Variants in DCT observed in about 807,000 individuals in gnomAD.
DCT encodes dopachrome tautomerase.
In DCT, 47 loss-of-function variants were observed where a neutral mutation model predicts 53.0. The observed-to-expected ratio is 0.89, with a 90% confidence interval of 0.70 to 1.13. The LOEUF (loss-of-function observed/expected upper bound fraction) is 1.13, where lower values mean the gene tolerates loss of function less well. Among genes scored for constraint, DCT ranks in the 50% most tolerant of loss-of-function variants. DCT has a pLI of 0.00. For synonymous variants in DCT, 244 were observed against 237.0 expected, an observed-to-expected ratio of 1.03 and a Z score of -0.27; for missense variants, 669 against 637.4, an observed-to-expected ratio of 1.05 and a Z score of -0.53.
the DCT span, among the ~76,000 whole-genome samples, chr13:94,491,782 G>A: frequency 6.6e-6 from 1 of 152,098 alleles, no homozygotes; most frequent in Non-Finnish European, 1.5e-5. Flanking sequence ...TGGGTGTAGG[G>A]GAGTCTACTT....
At chr13:94,509,881 C>G in the DCT span, among the ~76,000 whole-genome samples, 1 of 152,048 alleles carries the variant, frequency 6.6e-6, no homozygotes, top group East Asian at 1.9e-4. Flanking sequence ...ATCATGTGCC[C>G]AGCACTCAAT....
At chr13:94,466,442 C>T in intron 3 of DCT, 116 bp downstream of exon 3, 1 of 596,206 alleles carries the variant, frequency 1.7e-6, no homozygotes, top group Non-Finnish European at 2.9e-6. Flanking sequence ...GTGCACTAAT[C>T]ACTTATCTTG....
At chr13:94,491,022 A>G in the DCT span, among the ~76,000 whole-genome samples, 1 of 152,212 alleles carries the variant, frequency 6.6e-6, no homozygotes, top group Admixed American at 6.5e-5. Context: ...GGGGTGAGCA[A>G]CCTTCTTGTG....
the DCT span, among the ~76,000 whole-genome samples, chr13:94,502,834 T>C: frequency 6.6e-6 from 1 of 152,204 alleles, no homozygotes; most frequent in Non-Finnish European, 1.5e-5. Flanking sequence ...CATCTGCTCA[T>C]GCAGACAAAT....
the DCT span, among the ~76,000 whole-genome samples, chr13:94,530,785 G>T: frequency 3.3e-5 from 5 of 152,124 alleles, no homozygotes; most frequent in Non-Finnish European, 7.3e-5. Context: ...GGAAGTTCTG[G>T]CCAGGGCAAT....
intron 6 of DCT, among the ~76,000 whole-genome samples, chr13:94,450,635 AG>A (rs1883019224): frequency 6.6e-6 from 1 of 152,358 alleles, no homozygotes; most frequent in South Asian, 2.1e-4. Context: ...GAGGAAAAAA[AG>A]CTTCTTCTTC....
chr13:94,490,377 T>C, the DCT span, among the ~76,000 whole-genome samples: 2 of 151,722 alleles, frequency 1.3e-5, no homozygotes, highest in Non-Finnish European at 2.9e-5. Flanking sequence ...TGGTGGTGCA[T>C]GCCCATAGTC....
chr13:94,482,450 AT>A (rs1885484740), upstream of DCT, among the ~76,000 whole-genome samples: 1 of 152,144 alleles, frequency 6.6e-6, no homozygotes, highest in South Asian at 2.1e-4. Context: ...GAGGCCTTCC[AT>A]GATATTTTAA....
chr13:94,490,427 T>G, the DCT span, among the ~76,000 whole-genome samples: 4 of 142,232 alleles, frequency 2.8e-5, no homozygotes, highest in African/African-American at 8.0e-5. Context: ...ACTGCTTAAA[T>G]CTGGCAGGTA....
At chr13:94,529,682 A>G in the DCT span, among the ~76,000 whole-genome samples, 16 of 152,370 alleles carry the variant, frequency 1.1e-4, no homozygotes, top group African/African-American at 3.4e-4. Context: ...CCCACAAGAG[A>G]AAGCAGGAAA....
At chr13:94,506,704 T>A in the DCT span, among the ~76,000 whole-genome samples, 1 of 152,160 alleles carries the variant, frequency 6.6e-6, no homozygotes. Flanking sequence ...TCAAAATATC[T>A]TCTTATAAGA....
intron 7 of DCT, 121 bp from the exon 8 acceptor site, chr13:94,440,197 T>C: frequency 2.9e-6 from 2 of 679,536 alleles, no homozygotes; most frequent in Admixed American, 3.0e-5. Context: ...AAACTACTCA[T>C]GCTAGACTAA....
chr13:94,464,897 T>C (rs1484153131), intron 4 of DCT, among the ~76,000 whole-genome samples: 2 of 152,094 alleles, frequency 1.3e-5, no homozygotes, highest in African/African-American at 4.8e-5. Context: ...CCTGTCCTCC[T>C]CAACTCACCA....
At chr13:94,472,505 AATATATACATACATAC>A (rs1566853851) in intron 1 of DCT, among the ~76,000 whole-genome samples, 1 of 93,562 alleles carries the variant, frequency 1.1e-5, no homozygotes, top group Non-Finnish European at 2.2e-5. Context: ...CAGTGAGTTA[AATATATACATACATAC>A]ATATATATAT....
intron 4 of DCT, among the ~76,000 whole-genome samples, chr13:94,465,000 C>T (rs1256638227): frequency 1.3e-5 from 2 of 152,040 alleles, no homozygotes; most frequent in Non-Finnish European, 2.9e-5. Context: ...CCACTGCCCT[C>T]CCACACTCCC....
rs1389999141 is a variant in DCT at position 94,437,163 on chromosome 13, A to G, written c.*2735T>C. The G allele has an allele frequency of 6.6e-6, 1 of 152,212 alleles. No homozygotes were observed. The highest frequency in any genetic ancestry group is 1.5e-5 in the Non-Finnish European group (1 of 68,028). 9.4% of individuals were successfully genotyped at this position (152,212 alleles called of 1,614,324 possible). ...GAAACTCACCAGAAAATAGCATATC[A>G]GTTTAAGAGATTATTTTTCAGACTG... is the stretch of plus-strand genomic sequence containing the variant. On this transcript the variant is annotated 3_prime_UTR_variant, in exon 8 of 8. Coordinates refer to ENST00000377028, the MANE Select transcript of DCT (RefSeq NM_001922.5).
the DCT span, among the ~76,000 whole-genome samples, chr13:94,542,685 T>C: frequency 1.3e-5 from 2 of 152,246 alleles, no homozygotes; most frequent in African/African-American, 4.8e-5. Flanking sequence ...GAGTCTATCT[T>C]TAAGCAGATG....
chr13:94,502,882 G>C, the DCT span, among the ~76,000 whole-genome samples: 1 of 152,056 alleles, frequency 6.6e-6, no homozygotes, highest in Non-Finnish European at 1.5e-5. Flanking sequence ...GCCACCCCAG[G>C]TCCCCACCTT....
the DCT span, among the ~76,000 whole-genome samples, chr13:94,512,140 A>G: frequency 6.6e-6 from 1 of 152,210 alleles, no homozygotes; most frequent in Middle Eastern, 3.2e-3. Flanking sequence ...TACTGGATAC[A>G]GCATAATAAT....
Sources: allele counts gnomAD v4.1 joint callset (sites outside exome capture counted in the v4.1 genomes callset), GRCh38; gene constraint gnomAD v4.1.1; transcripts MANE v1.5; gene names NCBI Gene and HGNC (gene_info 2026-07-23, HGNC 2026-07-21).